The following SLC35F4 variants were observed in gnomAD, a reference collection of about 807,000 sequenced individuals.
The protein encoded by SLC35F4 is solute carrier family 35 member F4, also known as chromosome 14 open reading frame 36.
SLC35F4 carries 24 observed loss-of-function variants against 44.2 expected under a neutral mutation model. That is an observed-to-expected ratio of 0.54 (90% CI 0.39 to 0.76). SLC35F4 has a LOEUF of 0.76. Ranked by LOEUF, SLC35F4 falls within the 30% of genes least tolerant of loss-of-function variation. The probability of loss-of-function intolerance (pLI) is 0.00; values close to 1 mark genes in which losing one functional copy is unlikely to be tolerated. For synonymous variants in SLC35F4, 238 were observed against 223.6 expected, an observed-to-expected ratio of 1.06 and a Z score of -0.57; for missense variants, 562 against 586.1, an observed-to-expected ratio of 0.96 and a Z score of 0.42.
At chr14:57,867,366 A>C (rs923648354), upstream of SLC35F4, among the ~76,000 whole-genome samples, 28 of 152,222 alleles carry the variant, frequency 1.8e-4, no homozygotes, top group Non-Finnish European at 7.3e-5. Flanking sequence ...TTGGGTTTTC[A>C]TCCAAACACA....
chr14:57,575,979 T>G (rs916449026), intron 4 of SLC35F4, among the ~76,000 whole-genome samples: 1 of 148,482 alleles, frequency 6.7e-6, no homozygotes, highest in Non-Finnish European at 1.5e-5. Context: ...GTTTTTGTTT[T>G]CTTGTATCTT....
intron 1 of SLC35F4, among the ~76,000 whole-genome samples, chr14:57,683,797 C>T (rs544119641): frequency 9.2e-5 from 14 of 152,250 alleles, no homozygotes; most frequent in African/African-American, 3.4e-4. Context: ...GCTCACAGGA[C>T]TTCCAGTAGG....
At chr14:57,844,284 C>T (rs1885784130) in intron 1 of SLC35F4, among the ~76,000 whole-genome samples, 1 of 152,110 alleles carries the variant, frequency 6.6e-6, no homozygotes, top group Non-Finnish European at 1.5e-5. Flanking sequence ...AGCATCAGGG[C>T]AATCACACTT....
chr14:57,708,355 A>G (rs1490456771), intron 1 of SLC35F4, among the ~76,000 whole-genome samples: 54 of 152,132 alleles, frequency 3.5e-4, no homozygotes, highest in African/African-American at 2.4e-5. Context: ...CTGATCCCCA[A>G]TTGCTCAGGG....
chr14:57,705,416 C>A (rs1187845962), intron 1 of SLC35F4, among the ~76,000 whole-genome samples: 1 of 152,164 alleles, frequency 6.6e-6, no homozygotes, highest in Non-Finnish European at 1.5e-5. Context: ...CTGTCTGACT[C>A]CACCTTACTC....
At chr14:57,828,773 C>T (rs1566887200) in intron 1 of SLC35F4, among the ~76,000 whole-genome samples, 1 of 152,186 alleles carries the variant, frequency 6.6e-6, no homozygotes, top group South Asian at 2.1e-4. Flanking sequence ...CTGGGCAACC[C>T]GAGGTCTGCC....
chr14:57,975,838 T>C (rs1375798308), downstream of SLC35F4, among the ~76,000 whole-genome samples: 1 of 152,156 alleles, frequency 6.6e-6, no homozygotes, highest in East Asian at 1.9e-4. Context: ...CTAAAAGGAT[T>C]CTGGAATGGC....
At chr14:57,578,820 A>T (rs957175256) in intron 4 of SLC35F4, 3 of 152,206 alleles carry the variant, frequency 2.0e-5, no homozygotes, top group African/African-American at 7.2e-5. Flanking sequence ...TCCTCTACTG[A>T]GTGTTATTAA....
chr14:57,889,865 T>A (rs1888723130), intron 1 of SLC35F4, among the ~76,000 whole-genome samples: 1 of 152,204 alleles, frequency 6.6e-6, no homozygotes, highest in Non-Finnish European at 1.5e-5. Flanking sequence ...CATTCATTCA[T>A]CTGACAAATG....
intron 7 of SLC35F4, among the ~76,000 whole-genome samples, chr14:57,566,220 T>G (rs549414732): frequency 1.3e-5 from 2 of 152,278 alleles, no homozygotes; most frequent in South Asian, 4.1e-4. Flanking sequence ...TCAGGGAGAT[T>G]ATATGAAACC....
intron 1 of SLC35F4, among the ~76,000 whole-genome samples, chr14:57,955,320 A>AC (rs1890216937): frequency 6.6e-6 from 1 of 152,206 alleles, no homozygotes; most frequent in Non-Finnish European, 1.5e-5. Context: ...TTTATGACAA[A>AC]CCCACAGCCA....
intron 1 of SLC35F4, among the ~76,000 whole-genome samples, chr14:57,965,628 T>A (rs1890425004): frequency 6.6e-6 from 1 of 152,146 alleles, no homozygotes; most frequent in African/African-American, 2.4e-5. Flanking sequence ...CTCTGAAGAA[T>A]GCATAAAATG....
At chr14:57,877,584 C>T (rs1888424972) in intron 1 of SLC35F4, among the ~76,000 whole-genome samples, 2 of 150,006 alleles carry the variant, frequency 1.3e-5, no homozygotes, top group African/African-American at 4.9e-5. Flanking sequence ...AAACTGCTTT[C>T]AACAGTGGCT....
intron 3 of SLC35F4, among the ~76,000 whole-genome samples, chr14:57,588,662 G>T (rs1291114004): frequency 6.6e-6 from 1 of 152,196 alleles, no homozygotes; most frequent in South Asian, 2.1e-4. Context: ...CATCTAGGCA[G>T]CAAAGAGTGG....
chr14:57,862,229 T>A (rs1165200213), intron 1 of SLC35F4, among the ~76,000 whole-genome samples: 3 of 152,194 alleles, frequency 2.0e-5, no homozygotes, highest in Non-Finnish European at 4.4e-5. Flanking sequence ...CTATTGGCTC[T>A]AATTTCAAAT....
intron 2 of SLC35F4, among the ~76,000 whole-genome samples, chr14:57,591,054 A>AT (rs1402942459): frequency 1.3e-5 from 2 of 152,244 alleles, no homozygotes; most frequent in African/African-American, 4.8e-5. Context: ...TGTAAATCTT[A>AT]TAAACAGTAC....
At position 57,619,356 on chromosome 14, in the gene SLC35F4, T is replaced by A. The variant is rs1263334421; in HGVS notation, c.104-25232A>T. Among the ~76,000 whole-genome samples the A allele has an allele frequency of 2.0e-5, 3 of 152,032 alleles. 1 individual carries two copies. The highest frequency in any genetic ancestry group is 4.1e-4 in the South Asian group (2 of 4,826). ...TTCTAGAGAAAGGAACAGGCAGCAA[T>A]CTTTTCTGTTCTGCAGCCTCCGCTG... is the stretch of plus-strand genomic sequence containing the variant. On this transcript the variant is annotated intron_variant, in intron 1 of 7. Coordinates refer to ENST00000556826, the MANE Select transcript of SLC35F4 (RefSeq NM_001306087.2).
chr14:57,595,530 GA>G (rs1280054810), intron 1 of SLC35F4, among the ~76,000 whole-genome samples: 5 of 152,140 alleles, frequency 3.3e-5, no homozygotes, highest in African/African-American at 4.8e-5. Context: ...TGGAGTCGGG[GA>G]GGTCTACATA....
In SLC35F4 at chr14:57,578,325, G is replaced by GTTTTTTTTT. The variant is rs199785589; in HGVS notation, c.807+2880_807+2888dup. ...GATGACTGAAAGCATCCCTTTAACT[G>GTTTTTTTTT]TTTTTTTTTTTTTTTTTTTTTTTTT... On this transcript the variant is annotated intron_variant, in intron 4 of 7. Coordinates refer to ENST00000556826, the MANE Select transcript of SLC35F4 (RefSeq NM_001306087.2). 4.4e-3 allele frequency among the ~76,000 whole-genome samples: 189 copies of GTTTTTTTTT among 43,168 alleles called. 64 individuals are homozygous for GTTTTTTTTT. The highest frequency in any genetic ancestry group is 6.6e-3 in the Non-Finnish European group (144 of 21,766). 28.3% of individuals were successfully genotyped at this position (43,168 alleles called of 152,430 possible).
Sources: gnomAD v4.1 joint callset for allele counts (sites outside exome capture counted in the v4.1 genomes callset) on GRCh38, gnomAD v4.1.1 for gene constraint, MANE v1.5 for transcripts, NCBI Gene and HGNC (gene_info 2026-07-23, HGNC 2026-07-21) for gene names.